BCOR: variants seen among roughly 807,000 people sequenced by gnomAD.
BCOR encodes BCL6 corepressor, also known as BCL-6 corepressor.
In BCOR, 10 loss-of-function variants were observed where a neutral mutation model predicts 86.7. That is an observed-to-expected ratio of 0.12 (90% CI 0.07 to 0.20). The LOEUF (loss-of-function observed/expected upper bound fraction) is 0.20. BCOR is among the 10% of genes least tolerant of loss of function. BCOR has a pLI of 1.00. For missense variants in BCOR, 1,259 were observed against 1,452.1 expected, an observed-to-expected ratio of 0.87 and a Z score of 2.16; for synonymous variants, 611 against 609.0, an observed-to-expected ratio of 1.00 and a Z score of -0.05.
chrX:40,102,435 C>T (rs1416310818), upstream of BCOR, among the ~76,000 whole-genome samples: 1 of 113,785 alleles, frequency 8.8e-6, no homozygotes, highest in African/African-American at 3.2e-5. Context: ...CTCTTGCGCT[C>T]GGCAAGGGCT....
upstream of BCOR, among the ~76,000 whole-genome samples, chrX:40,098,674 A>G (rs1436341270): frequency 9.1e-6 from 1 of 110,183 alleles, no homozygotes; most frequent in Non-Finnish European, 1.9e-5. Flanking sequence ...GACCCAGCGG[A>G]GCGTGGCCTG....
At chrX:40,081,903 C>A (rs1936122346) in intron 1 of BCOR, among the ~76,000 whole-genome samples, 1 of 112,447 alleles carries the variant, frequency 8.9e-6, no homozygotes, top group Non-Finnish European at 1.9e-5. Flanking sequence ...GTGGAGAGAC[C>A]TGGCTTGTGA....
At chrX:40,084,746 C>G (rs1384660205) in intron 1 of BCOR, among the ~76,000 whole-genome samples, 1 of 104,271 alleles carries the variant, frequency 9.6e-6, no homozygotes, top group Non-Finnish European at 1.9e-5. Flanking sequence ...CAAGCTATAC[C>G]GTAAGGCTAA....
chrX:40,144,959 C>T (rs1938007344), intron 1 of BCOR, among the ~76,000 whole-genome samples: 1 of 110,723 alleles, frequency 9.0e-6, no homozygotes, highest in Non-Finnish European at 1.9e-5. Context: ...GGTCTGATTG[C>T]TAAAATATGC....
intron 1 of BCOR, among the ~76,000 whole-genome samples, chrX:40,170,353 T>C (rs892234080): frequency 9.2e-6 from 1 of 108,303 alleles, no homozygotes; most frequent in African/African-American, 3.4e-5. Context: ...GTTTTGGTTT[T>C]GGTTTTTTTT....
chrX:40,104,479 C>CA (rs1297105913), intron 1 of BCOR, among the ~76,000 whole-genome samples: 2 of 111,717 alleles, frequency 1.8e-5, no homozygotes, highest in Non-Finnish European at 3.8e-5. Context: ...GTTTTGGTAT[C>CA]AGACTCCACG....
chrX:40,154,680 G>A, intron 1 of BCOR, among the ~76,000 whole-genome samples: 1 of 110,340 alleles, frequency 9.1e-6, no homozygotes, highest in Non-Finnish European at 1.9e-5. Context: ...TGGACCCCTC[G>A]TGCTGTTCCT....
At position 40,052,418 on chromosome X, in the gene BCOR, AAATGCTTTGAGTTTCC is replaced by A; in HGVS notation, c.4977-34_4977-19del. On this transcript the variant is annotated intron_variant, in intron 14 of 14. Coordinates refer to ENST00000378444, the MANE Select transcript of BCOR (RefSeq NM_001123385.2). ...TTCGTGGCCTACAAAACAGAAAGGA[AAATGCTTTGAGTTTCC>A]AGTAAAATGAAAAGTGCGCCCAACT... 8.3e-7 allele frequency: 1 copy of A among 1,205,864 alleles called. No individual in the cohort carries two copies.
At chrX:40,092,298 A>G (rs1235477718) in intron 1 of BCOR, among the ~76,000 whole-genome samples, 1 of 111,561 alleles carries the variant, frequency 9.0e-6, no homozygotes, top group Non-Finnish European at 1.9e-5. Context: ...GGTCTTCCCA[A>G]TAAAAGCTGG....
intron 1 of BCOR, among the ~76,000 whole-genome samples, chrX:40,133,528 C>T (rs1022112673): frequency 2.7e-5 from 3 of 109,546 alleles, no homozygotes; most frequent in African/African-American, 1.0e-4. Flanking sequence ...GGCGCTACCT[C>T]GGCTCACTGC....
intron 1 of BCOR, among the ~76,000 whole-genome samples, chrX:40,145,910 G>A (rs1271276264): frequency 9.0e-6 from 1 of 111,729 alleles, no homozygotes; most frequent in African/African-American, 3.3e-5. Flanking sequence ...CACCTCGACC[G>A]GGCCTCTGTT....
At chrX:40,099,593 T>A (rs1275440361), upstream of BCOR, among the ~76,000 whole-genome samples, 1 of 112,081 alleles carries the variant, frequency 8.9e-6, no homozygotes, top group Non-Finnish European at 1.9e-5. Flanking sequence ...ATCAAAAGCA[T>A]CTCAAGTTGA....
intron 11 of BCOR, among the ~76,000 whole-genome samples, chrX:40,056,040 G>A (rs1324752055): frequency 2.7e-5 from 3 of 109,334 alleles, no homozygotes; most frequent in Non-Finnish European, 5.7e-5. Context: ...GGCTGATCTT[G>A]AACTCCTAGG....
intron 1 of BCOR, among the ~76,000 whole-genome samples, chrX:40,087,447 T>C (rs1303646515): frequency 3.5e-5 from 4 of 112,781 alleles, no homozygotes; most frequent in African/African-American, 9.7e-5. Context: ...CACCAGGATA[T>C]AGAATAACGA....
At chrX:40,081,641 A>G (rs1293880411) in intron 1 of BCOR, among the ~76,000 whole-genome samples, 1 of 112,572 alleles carries the variant, frequency 8.9e-6, no homozygotes, top group Non-Finnish European at 1.9e-5. Context: ...ATGCTTCCAG[A>G]AGTGCCAAGA....
At chrX:40,054,488 C>T (rs1331272117) in intron 12 of BCOR, among the ~76,000 whole-genome samples, 155 bp from the exon 13 acceptor site, 2 of 110,051 alleles carry the variant, frequency 1.8e-5, no homozygotes, top group Non-Finnish European at 3.8e-5. Flanking sequence ...TAGCATTACA[C>T]TTATGTATCT....
At chrX:40,148,526 T>G (rs1249948847) in intron 1 of BCOR, among the ~76,000 whole-genome samples, 1 of 109,860 alleles carries the variant, frequency 9.1e-6, no homozygotes, top group Admixed American at 9.7e-5. Flanking sequence ...CAAGCAGAGG[T>G]GGCCGAGGAA....
intron 1 of BCOR, among the ~76,000 whole-genome samples, chrX:40,125,461 T>C (rs1395044797): frequency 9.0e-6 from 1 of 111,653 alleles, no homozygotes; most frequent in African/African-American, 3.3e-5. Context: ...CTTGAACTCT[T>C]GACCTCAAGT....
At chrX:40,119,244 G>GTT (rs770429555) in intron 1 of BCOR, among the ~76,000 whole-genome samples, 21 of 92,035 alleles carry the variant, frequency 2.3e-4, no homozygotes, top group Non-Finnish European at 3.3e-4. Context: ...TTTGGGTGTT[G>GTT]TTTTTTTTTT....
Sources: gnomAD v4.1 joint callset for allele counts (sites outside exome capture counted in the v4.1 genomes callset) on GRCh38, gnomAD v4.1.1 for gene constraint, MANE v1.5 for transcripts, NCBI Gene and HGNC (gene_info 2026-07-23, HGNC 2026-07-21) for gene names.